The following PFDN4 variants were observed in gnomAD, a reference collection of about 807,000 sequenced individuals.
PFDN4 encodes the protein prefoldin 4.
PFDN4 carries 6 observed loss-of-function variants against 17.6 expected under a neutral mutation model. The observed-to-expected ratio is 0.34, with a 90% CI of 0.19 to 0.67. PFDN4 has a LOEUF of 0.67. Among genes scored for constraint, PFDN4 ranks in the 30% least tolerant of loss-of-function variants. The probability of loss-of-function intolerance (pLI) is 0.68; values close to 1 mark genes in which losing one functional copy is unlikely to be tolerated. For missense variants in PFDN4, 119 were observed against 158.4 expected (o/e 0.75, Z 1.33); for synonymous variants, 48 against 51.1 (o/e 0.94, Z 0.26).
At chr20:54,218,764 CA>C (rs2092766007) in intron 3 of PFDN4, among the ~76,000 whole-genome samples, 1 of 152,164 alleles carries the variant, frequency 6.6e-6, no homozygotes, top group African/African-American at 2.4e-5. Context: ...ATAATTTAGA[CA>C]GTAATTTTTT....
rs1045930304 is a variant in PFDN4 at position 54,219,279 on chromosome 20, C to G, written c.*129C>G. 1 of 577,106 alleles carries G rather than the reference C, an allele frequency of 1.7e-6. No homozygotes were observed. The highest frequency in any genetic ancestry group is 2.9e-6 in the Non-Finnish European group (1 of 342,982). 35.7% of individuals were successfully genotyped at this position (577,106 alleles called of 1,614,324 possible). A position where few individuals can be genotyped will look rare whatever the true frequency, so the allele number is the denominator to read the frequency against. ...AAAATTTTCATTTATTTAATGGAAA[C>G]TTGCCCATTTTCACATGTCTGCTTA... On this transcript the variant is annotated 3_prime_UTR_variant, in exon 4 of 4. Coordinates refer to ENST00000371419, the MANE Select transcript of PFDN4 (RefSeq NM_002623.4).
In PFDN4 at chr20:54,208,141, GGGCTCTGGATGCTCGGGC is replaced by G; in HGVS notation, c.24+21_24+38del. 6.5e-7 allele frequency: 1 copy of G among 1,547,334 alleles called. No individual in the cohort carries two copies. Among genetic ancestry groups the G allele is most frequent in the Admixed American group, 1.9e-5 (1 of 52,376 alleles). ...AAGAAGGCGGTGAGTGGGGAGCTCGGGGCTCTGGATGCTCGGGCGGCGCCGGATCTCGGCCGCTGGGGC... is the reference window on the plus strand; with the variant it reads ...AAGAAGGCGGTGAGTGGGGAGCTCGGGGCGCCGGATCTCGGCCGCTGGGGC... On this transcript the variant is annotated intron_variant, in intron 1 of 3. Coordinates refer to ENST00000371419, the MANE Select transcript of PFDN4 (RefSeq NM_002623.4).
At chr20:54,212,185 T>C (rs1278354997) in intron 1 of PFDN4, among the ~76,000 whole-genome samples, 1 of 134,870 alleles carries the variant, frequency 7.4e-6, no homozygotes, top group Non-Finnish European at 1.5e-5. Context: ...AGAGTGAGAC[T>C]CTGTCTCACC....
chr20:54,215,079 C>T (rs540626605), intron 2 of PFDN4, among the ~76,000 whole-genome samples: 19 of 152,256 alleles, frequency 1.2e-4, no homozygotes, highest in African/African-American at 4.3e-4. Context: ...TGCTGTCCAC[C>T]ACAGGGCGCT....
At chr20:54,218,003 C>G (rs193031375) in intron 3 of PFDN4, among the ~76,000 whole-genome samples, 2 of 152,088 alleles carry the variant, frequency 1.3e-5, no homozygotes, top group Non-Finnish European at 1.5e-5. Flanking sequence ...ACACTGGTCT[C>G]GGGGCCACCG....
intron 3 of PFDN4, among the ~76,000 whole-genome samples, chr20:54,216,681 G>C (rs2092762922): frequency 2.0e-5 from 3 of 151,656 alleles, no homozygotes; most frequent in Admixed American, 2.0e-4. Context: ...TTTTGAGATG[G>C]AGTCTTGCCC....
intron 3 of PFDN4, among the ~76,000 whole-genome samples, chr20:54,217,498 A>G (rs1304750941): frequency 6.6e-6 from 1 of 152,238 alleles, no homozygotes; most frequent in East Asian, 1.9e-4. Context: ...AAGGGCCAGA[A>G]GTAAATACGT....
At chr20:54,215,496 A>G in intron 3 of PFDN4, 56 bp downstream of exon 3, 1 of 1,140,548 alleles carries the variant, frequency 8.8e-7, no homozygotes, top group Admixed American at 2.1e-5. Flanking sequence ...AGAACATGTA[A>G]TTATAGATGT....
intron 3 of PFDN4, among the ~76,000 whole-genome samples, chr20:54,216,616 C>T (rs905656695): frequency 1.3e-5 from 2 of 152,048 alleles, no homozygotes; most frequent in African/African-American, 2.4e-5. Context: ...CTGCCCCATA[C>T]ACAGATAGCT....
At chr20:54,208,336 G>T (rs757741045) in intron 1 of PFDN4, 67 of 449,620 alleles carry the variant, frequency 1.5e-4, no homozygotes, top group Non-Finnish European at 5.4e-5. Context: ...GAGGCGGGGC[G>T]CCGGGGCTGG....
chr20:54,211,255 T>C (rs2092755409), intron 1 of PFDN4, among the ~76,000 whole-genome samples: 1 of 152,210 alleles, frequency 6.6e-6, no homozygotes, highest in Non-Finnish European at 1.5e-5. Context: ...CTAGACTTGG[T>C]GTGAGGCATG....
At chr20:54,211,479 C>G (rs1374322400) in intron 1 of PFDN4, among the ~76,000 whole-genome samples, 2 of 152,208 alleles carry the variant, frequency 1.3e-5, no homozygotes, top group African/African-American at 4.8e-5. Context: ...TTGACTGACT[C>G]CATCATCAGG....
chr20:54,208,159 C>T (rs2092750522), intron 1 of PFDN4, 35 bp downstream of exon 1: 3 of 1,518,016 alleles, frequency 2.0e-6, no homozygotes, highest in Non-Finnish European at 2.7e-6. Context: ...GATGCTCGGG[C>T]GGCGCCGGAT....
intron 3 of PFDN4, among the ~76,000 whole-genome samples, chr20:54,217,783 T>C (rs2092764565): frequency 6.6e-6 from 1 of 152,196 alleles, no homozygotes; most frequent in South Asian, 2.1e-4. Flanking sequence ...AATTTAGAAT[T>C]TATCCCTTTC....
At chr20:54,209,732 T>C (rs149957941) in intron 1 of PFDN4, among the ~76,000 whole-genome samples, 1,952 of 152,316 alleles carry the variant, frequency 0.013, 50 homozygotes, top group African/African-American at 0.045. Context: ...ATTTGAACCT[T>C]GGATTTTGAT....
intron 1 of PFDN4, 189 bp downstream of exon 1, chr20:54,208,313 C>T (rs1466547717): frequency 4.1e-6 from 2 of 489,878 alleles, no homozygotes. Context: ...TTTTCCTAGG[C>T]ACCTGGCCAG....
chr20:54,210,359 A>G (rs1404276523), intron 1 of PFDN4, among the ~76,000 whole-genome samples: 1 of 152,218 alleles, frequency 6.6e-6, no homozygotes, highest in African/African-American at 2.4e-5. Flanking sequence ...TTGCATGTAC[A>G]CTTTTCCCCT....
intron 1 of PFDN4, among the ~76,000 whole-genome samples, chr20:54,212,729 C>T (rs139800236): frequency 2.6e-5 from 4 of 152,350 alleles, no homozygotes; most frequent in East Asian, 1.9e-4. Context: ...ATATACTCTT[C>T]AGGCAAACAG....
At chr20:54,218,659 A>C (rs1429687100) in intron 3 of PFDN4, among the ~76,000 whole-genome samples, 1 of 152,170 alleles carries the variant, frequency 6.6e-6, no homozygotes, top group Non-Finnish European at 1.5e-5. Flanking sequence ...GTAGTCTCAT[A>C]GTTATTTTTG....
Sources: allele counts gnomAD v4.1 joint callset (sites outside exome capture counted in the v4.1 genomes callset), GRCh38; gene constraint gnomAD v4.1.1; transcripts MANE v1.5; gene names NCBI Gene and HGNC (gene_info 2026-07-23, HGNC 2026-07-21).